The following CNTN5 variants were observed in gnomAD, a reference collection of about 807,000 sequenced individuals.
CNTN5 encodes the protein contactin 5.
In CNTN5, 77 loss-of-function variants were observed where a neutral mutation model predicts 129.1. The observed-to-expected ratio is 0.60, with a 90% CI of 0.50 to 0.72. The LOEUF (loss-of-function observed/expected upper bound fraction) is 0.72. Among genes scored for constraint, CNTN5 ranks in the 30% least tolerant of loss-of-function variants. CNTN5 has a pLI of 0.00. For synonymous variants in CNTN5, 509 were observed against 465.6 expected, an observed-to-expected ratio of 1.09 and a Z score of -1.20; for missense variants, 1,478 against 1,328.8, an observed-to-expected ratio of 1.11 and a Z score of -1.75.
chr11:99,271,088 A>G (rs1017936004), intron 1 of CNTN5, among the ~76,000 whole-genome samples: 2 of 151,928 alleles, frequency 1.3e-5, no homozygotes, highest in Admixed American at 6.6e-5. Context: ...ACAAACTGGC[A>G]TAATTTACCT....
intron 1 of CNTN5, among the ~76,000 whole-genome samples, chr11:99,029,932 CTG>C (rs1050350791): frequency 2.6e-5 from 4 of 152,020 alleles, no homozygotes; most frequent in African/African-American, 9.7e-5. Flanking sequence ...TACTCTATGA[CTG>C]TGTGAGTTAG....
At chr11:99,089,469 A>G (rs1225439293) in intron 1 of CNTN5, among the ~76,000 whole-genome samples, 1 of 152,218 alleles carries the variant, frequency 6.6e-6, no homozygotes, top group Non-Finnish European at 1.5e-5. Flanking sequence ...ACATGGACGA[A>G]TAGTGTTTTC....
chr11:100,095,587 T>A (rs1352061643), intron 13 of CNTN5, among the ~76,000 whole-genome samples: 1 of 151,986 alleles, frequency 6.6e-6, no homozygotes, highest in Non-Finnish European at 1.5e-5. Context: ...CTGTAAAAAA[T>A]TGATTTTAGG....
At chr11:99,943,702 A>T (rs1029256328) in intron 7 of CNTN5, among the ~76,000 whole-genome samples, 2 of 151,946 alleles carry the variant, frequency 1.3e-5, no homozygotes, top group African/African-American at 4.8e-5. Flanking sequence ...TCTTGAGTTA[A>T]TTTATGTACA....
At chr11:99,456,643 G>A (rs1022521692) in intron 2 of CNTN5, among the ~76,000 whole-genome samples, 13 of 152,008 alleles carry the variant, frequency 8.6e-5, no homozygotes, top group African/African-American at 3.1e-4. Flanking sequence ...TTTCTATGCT[G>A]CCTTTCCAAC....
At chr11:99,877,133 T>C (rs1198188452) in intron 6 of CNTN5, among the ~76,000 whole-genome samples, 1 of 152,208 alleles carries the variant, frequency 6.6e-6, no homozygotes, top group Non-Finnish European at 1.5e-5. Context: ...ATATGGATTT[T>C]TAATACCCTT....
intron 16 of CNTN5, among the ~76,000 whole-genome samples, chr11:100,234,617 G>A (rs1334026868): frequency 1.3e-5 from 2 of 148,406 alleles, no homozygotes; most frequent in African/African-American, 5.0e-5. Context: ...ACAGGGAGGG[G>A]AACATTCACA....
intron 13 of CNTN5, among the ~76,000 whole-genome samples, chr11:100,094,829 G>GA (rs1258639044): frequency 6.8e-6 from 1 of 148,030 alleles, no homozygotes; most frequent in Admixed American, 6.8e-5. Flanking sequence ...AATTAAAGGA[G>GA]AAAAAAATCA....
intron 3 of CNTN5, among the ~76,000 whole-genome samples, chr11:99,574,447 T>C (rs1949280456): frequency 6.6e-6 from 1 of 152,168 alleles, no homozygotes; most frequent in Non-Finnish European, 1.5e-5. Flanking sequence ...GGGTCAAATG[T>C]TATTTCTGGT....
At chr11:99,935,568 GTGTA>G (rs1034596269) in intron 7 of CNTN5, among the ~76,000 whole-genome samples, 13 of 151,954 alleles carry the variant, frequency 8.6e-5, no homozygotes, top group Non-Finnish European at 1.9e-4. Context: ...CCGTGTGTGT[GTGTA>G]TGTATGTATA....
intron 24 of CNTN5, among the ~76,000 whole-genome samples, chr11:100,353,265 C>T (rs1392686592): frequency 1.3e-5 from 2 of 151,578 alleles, no homozygotes; most frequent in East Asian, 1.9e-4. Context: ...CTACCTTAGA[C>T]TCAGAACCTG....
In CNTN5 at chr11:99,727,321, A is replaced by AAAAAAAAAAAAG. The variant is rs1943382776; in HGVS notation, c.56-92212_56-92211insGAAAAAAAAAAA. 2.4e-5 allele frequency among the ~76,000 whole-genome samples: 3 copies of AAAAAAAAAAAAG among 123,480 alleles called. 1 individual carries two copies. Among genetic ancestry groups the AAAAAAAAAAAAG allele is most frequent in the African/African-American group, 8.7e-5 (3 of 34,332 alleles). The allele number at this position is 123,480 out of a possible 152,430, so 81.0% of individuals were successfully genotyped here. A position where few individuals can be genotyped will look rare whatever the true frequency, so the allele number is the denominator to read the frequency against. On this transcript the variant is annotated intron_variant, in intron 3 of 24. Coordinates refer to ENST00000524871, the MANE Select transcript of CNTN5 (RefSeq NM_014361.4). The stretch of plus-strand genomic sequence containing the variant: ...GAGCGAGACTCCGTCTCAAAAAAAA[A>AAAAAAAAAAAAG]AAAAAAAAAAAAATTCCAGGGCATT...
At chr11:99,691,491 T>A (rs1273051384) in intron 3 of CNTN5, among the ~76,000 whole-genome samples, 1 of 152,184 alleles carries the variant, frequency 6.6e-6, no homozygotes, top group East Asian at 1.9e-4. Flanking sequence ...GATTTGTGCC[T>A]TAATATTGTT....
chr11:99,844,929 G>C lies in CNTN5; in HGVS notation c.355G>C (p.Val119Leu), dbSNP rs918158777. 1.1e-5 allele frequency: 17 copies of C among 1,613,788 alleles called. No homozygotes were observed. Among genetic ancestry groups the C allele is most frequent in the Non-Finnish European group, 1.4e-5 (17 of 1,179,784 alleles). The change falls in exon 5 of 25, where the codon GTA (valine) becomes CTA (leucine). Residue 119 changes from valine (V) to leucine (L), a missense_variant. By Grantham distance (32) the Val-to-Leu change is conservative (BLOSUM62 1). Transcript: ENST00000524871. ...IFPTDSDEKKVALNCEVRGNP... is the reference protein window; with the variant it reads ...IFPTDSDEKKLALNCEVRGNP... ...TCCAACTGATTCTGATGAAAAGAAG[G>C]TAGCATTGAATTGTGAAGTTCGTGG...
chr11:99,520,274 A>G (rs1947226403), intron 2 of CNTN5, among the ~76,000 whole-genome samples: 1 of 152,144 alleles, frequency 6.6e-6, no homozygotes, highest in African/African-American at 2.4e-5. Flanking sequence ...CCTGGCTGTA[A>G]GAAATTAATA....
Position 100,224,973 on chromosome 11 carries a change from C to CCT in CNTN5, c.2005+161_2005+162insCT, listed in dbSNP as rs1949341490. The CCT allele has an allele frequency of 8.0e-6, 5 of 623,236 alleles. No homozygotes were observed. In the Admixed American group the frequency reaches 1.7e-4, roughly 21 times the overall value. 38.6% of individuals were successfully genotyped at this position (623,236 alleles called of 1,614,324 possible). A position where few individuals can be genotyped will look rare whatever the true frequency, so the allele number is the denominator to read the frequency against. On this transcript the variant is annotated intron_variant, in intron 16 of 24. Transcript: ENST00000524871. ...TAACCTTTTGCCTTTGAAAAAATTA[C>CCT]ATGGAAAACTCCTCCTTAGTAACAG... is the stretch of plus-strand genomic sequence containing the variant.
At position 99,504,309 on chromosome 11, in the gene CNTN5, G is replaced by A. The variant is rs575742961; in HGVS notation, c.-70-51836G>A. Among the ~76,000 whole-genome samples, 393 of 152,224 alleles carry A rather than the reference G, an allele frequency of 2.6e-3. 2 individuals are homozygous for A. The highest frequency in any genetic ancestry group is 9.0e-3 in the African/African-American group (375 of 41,562). ...TGTAATCCCAGCACTTTGGGAGGCT[G>A]AGGTGGGCACATCATGAGGGCAGGA... On this transcript the variant is annotated intron_variant, in intron 2 of 24. Coordinates refer to ENST00000524871, the MANE Select transcript of CNTN5 (RefSeq NM_014361.4).
intron 20 of CNTN5, among the ~76,000 whole-genome samples, chr11:100,303,563 TGC>T (rs1450603183): frequency 7.6e-5 from 1 of 13,218 alleles, no homozygotes; most frequent in African/African-American, 3.1e-4. Context: ...TTACTTGTGA[TGC>T]GCTTTATCCT....
chr11:99,380,013 T>C (rs1006890790), intron 2 of CNTN5, among the ~76,000 whole-genome samples: 2 of 152,100 alleles, frequency 1.3e-5, no homozygotes, highest in African/African-American at 4.8e-5. Flanking sequence ...AATATAGTTA[T>C]GTGTCCCATA....
Sources: gnomAD v4.1 joint callset for allele counts (sites outside exome capture counted in the v4.1 genomes callset) on GRCh38, gnomAD v4.1.1 for gene constraint, MANE v1.5 for transcripts, NCBI Gene and HGNC (gene_info 2026-07-23, HGNC 2026-07-21) for gene names.